The following FBXL7 variants were observed in gnomAD, a reference collection of about 807,000 sequenced individuals.
The protein encoded by FBXL7 is F-box and leucine rich repeat protein 7, also known as F-box/LRR-repeat protein 7.
In FBXL7, 12 loss-of-function variants were observed where a neutral mutation model predicts 38.3. The ratio of observed to expected loss-of-function variants is 0.31; its 90% CI spans 0.20 to 0.51. The LOEUF (loss-of-function observed/expected upper bound fraction) is 0.51. Among genes scored for constraint, FBXL7 ranks in the 20% least tolerant of loss-of-function variants. FBXL7 has a pLI of 0.98. For missense variants in FBXL7, 567 were observed against 676.4 expected, an observed-to-expected ratio of 0.84 and a Z score of 1.79; for synonymous variants, 297 against 300.9, an observed-to-expected ratio of 0.99 and a Z score of 0.13.
intron 1 of FBXL7, among the ~76,000 whole-genome samples, chr5:15,614,856 C>G (rs948982634): frequency 6.6e-6 from 1 of 152,184 alleles, no homozygotes; most frequent in African/African-American, 2.4e-5. Flanking sequence ...GGAAGGGTCT[C>G]TCTCCTCCAG....
intron 2 of FBXL7, among the ~76,000 whole-genome samples, chr5:15,851,235 T>A (rs1485714457): frequency 6.6e-6 from 1 of 152,198 alleles, no homozygotes; most frequent in Non-Finnish European, 1.5e-5. Context: ...CAGAGAATTT[T>A]TTTTTCTCTA....
chr5:15,876,454 T>C (rs1740212343), intron 2 of FBXL7, among the ~76,000 whole-genome samples: 1 of 152,180 alleles, frequency 6.6e-6, no homozygotes. Context: ...TTATGTTGCA[T>C]TTAAAGTTAG....
At chr5:15,528,644 C>T (rs2126386942) in intron 1 of FBXL7, among the ~76,000 whole-genome samples, 1 of 152,270 alleles carries the variant, frequency 6.6e-6, no homozygotes, top group South Asian at 2.1e-4. Flanking sequence ...GGAAACTGCT[C>T]CCATTATTCA....
chr5:15,855,350 CAT>C (rs139888309), intron 2 of FBXL7, among the ~76,000 whole-genome samples: 3 of 151,230 alleles, frequency 2.0e-5, no homozygotes, highest in African/African-American at 2.4e-5. Flanking sequence ...CGTTTTTCTG[CAT>C]ATATATATAT....
intron 2 of FBXL7, among the ~76,000 whole-genome samples, chr5:15,636,792 CTG>C (rs1325137981): frequency 1.3e-5 from 2 of 150,802 alleles, no homozygotes; most frequent in Non-Finnish European, 2.9e-5. Context: ...TCTTTAAACT[CTG>C]TAAGGTTAAA....
intron 1 of FBXL7, among the ~76,000 whole-genome samples, chr5:15,503,147 G>A (rs867257138): frequency 1.5e-3 from 224 of 152,288 alleles, no homozygotes; most frequent in African/African-American, 5.2e-3. Context: ...GAGGTCGGGC[G>A]CGGTGGCCCA....
intron 1 of FBXL7, among the ~76,000 whole-genome samples, chr5:15,536,601 G>T (rs1237758672): frequency 1.3e-5 from 2 of 152,174 alleles, no homozygotes; most frequent in South Asian, 2.1e-4. Flanking sequence ...TGCCCAGTTT[G>T]TCCTATTTGG....
chr5:15,698,450 G>A (rs1280036153), intron 2 of FBXL7, among the ~76,000 whole-genome samples: 2 of 152,162 alleles, frequency 1.3e-5, no homozygotes, highest in Non-Finnish European at 2.9e-5. Context: ...ACGCCCAAGA[G>A]CTAATCTAAA....
rs1041918643 is a variant in FBXL7, at chr5:15,733,366, C to T, written c.127+117294C>T. 3.3e-5 allele frequency among the ~76,000 whole-genome samples: 4 copies of T among 120,730 alleles called. No homozygotes were observed. In the Admixed American group the frequency reaches 3.6e-4, roughly 11 times the overall value. The allele number at this position is 120,730 out of a possible 152,430, so 79.2% of individuals were successfully genotyped here. ...TCAGCCTCCCAAAGTGCTGGGATTA[C>T]AGGCGTGAGCCACCGCCCCGGCCAG... On this transcript the variant is annotated intron_variant, in intron 2 of 3. Coordinates refer to ENST00000504595, the MANE Select transcript of FBXL7 (RefSeq NM_012304.5).
chr5:15,679,293 G>T (rs1055907959), intron 2 of FBXL7, among the ~76,000 whole-genome samples: 1 of 152,078 alleles, frequency 6.6e-6, no homozygotes, highest in East Asian at 1.9e-4. Flanking sequence ...AACCTCATTT[G>T]GTTTTACTCA....
At chr5:15,860,597 A>G (rs1228365932) in intron 2 of FBXL7, among the ~76,000 whole-genome samples, 1 of 152,202 alleles carries the variant, frequency 6.6e-6, no homozygotes, top group South Asian at 2.1e-4. Context: ...CTTGAAAAGC[A>G]CTTATTCCAG....
intron 2 of FBXL7, among the ~76,000 whole-genome samples, chr5:15,810,806 T>C (rs1002340470): frequency 3.3e-5 from 5 of 152,218 alleles, no homozygotes; most frequent in African/African-American, 1.2e-4. Context: ...TTCCCAACTC[T>C]AAAATCCAAG....
chr5:15,851,150 G>A (rs1447990976), intron 2 of FBXL7, among the ~76,000 whole-genome samples: 5 of 152,176 alleles, frequency 3.3e-5, no homozygotes, highest in Admixed American at 6.5e-5. Flanking sequence ...CCTGAAGAAC[G>A]TGCTGCCAGG....
At chr5:15,919,410 A>G (rs1455485909) in intron 2 of FBXL7, among the ~76,000 whole-genome samples, 3 of 146,432 alleles carry the variant, frequency 2.0e-5, no homozygotes, top group Non-Finnish European at 4.5e-5. Context: ...GACTTTTGAA[A>G]CCATGAGAAA....
At chr5:15,745,843 G>C (rs570331065) in intron 2 of FBXL7, among the ~76,000 whole-genome samples, 1 of 152,322 alleles carries the variant, frequency 6.6e-6, no homozygotes, top group South Asian at 2.1e-4. Flanking sequence ...ATCCATTGGA[G>C]AGTTTAAAGC....
intron 2 of FBXL7, among the ~76,000 whole-genome samples, chr5:15,841,050 T>C (rs560860179): frequency 1.3e-5 from 2 of 152,268 alleles, no homozygotes; most frequent in South Asian, 4.1e-4. Context: ...TTCCCATTAG[T>C]TCCAAAAGTT....
chr5:15,633,843 C>T (rs1205672718), intron 2 of FBXL7, among the ~76,000 whole-genome samples: 8 of 151,436 alleles, frequency 5.3e-5, no homozygotes, highest in Non-Finnish European at 8.8e-5. Context: ...TGCAGTGGCA[C>T]GATCTCGGCT....
intron 2 of FBXL7, among the ~76,000 whole-genome samples, chr5:15,634,505 T>TGGG (rs34688260): frequency 3.5e-5 from 5 of 143,914 alleles, no homozygotes; most frequent in African/African-American, 1.3e-4. Context: ...TATTTTTAGT[T>TGGG]GGGGGGGGGG....
At chr5:15,673,123 C>A (rs1173888278) in intron 2 of FBXL7, among the ~76,000 whole-genome samples, 1 of 152,010 alleles carries the variant, frequency 6.6e-6, no homozygotes, top group Non-Finnish European at 1.5e-5. Flanking sequence ...TGAGACCAGC[C>A]TGGCCAACAT....
Sources: gnomAD v4.1 joint callset for allele counts (sites outside exome capture counted in the v4.1 genomes callset) on GRCh38, gnomAD v4.1.1 for gene constraint, MANE v1.5 for transcripts, NCBI Gene and HGNC (gene_info 2026-07-23, HGNC 2026-07-21) for gene names.